Variants in RRP1B observed in about 807,000 individuals in gnomAD.
RRP1B encodes ribosomal RNA processing 1B, also known as ribosomal RNA processing protein 1 homolog B.
Under a neutral mutation model 80.2 loss-of-function variants are expected in RRP1B, and 56 were observed. The ratio of observed to expected loss-of-function variants is 0.70; its 90% CI spans 0.56 to 0.87. The LOEUF (loss-of-function observed/expected upper bound fraction) is 0.87, where lower values mean the gene tolerates loss of function less well. RRP1B is among the 40% of genes least tolerant of loss of function. The pLI is 0.00. For missense variants in RRP1B, 807 were observed against 939.8 expected (o/e 0.86, Z 1.85); for synonymous variants, 351 against 357.6 (o/e 0.98, Z 0.21).
Position 43,695,364 on chromosome 21 carries a change from A to G in RRP1B, c.*1981A>G, listed in dbSNP as rs2083103430. On this transcript the variant is annotated 3_prime_UTR_variant, in exon 16 of 16. Coordinates refer to ENST00000340648, the MANE Select transcript of RRP1B (RefSeq NM_015056.3). ...AGGAATGTTTTTTCCTAGCATTTCT[A>G]TATTATCTGTCCATTCTGAGGAACC... The G allele has an allele frequency of 6.6e-6, 1 of 152,150 alleles. No homozygotes were observed. The allele number at this position is 152,150 out of a possible 1,614,324, so 9.4% of individuals were successfully genotyped here. A position where few individuals can be genotyped will look rare whatever the true frequency, so the allele number is the denominator to read the frequency against.
At position 43,691,631 on chromosome 21, in the gene RRP1B, A is replaced by G; in HGVS notation, c.2083+129A>G. 2.5e-6 allele frequency: 1 copy of G among 398,884 alleles called. No individual in the cohort carries two copies. Among genetic ancestry groups the G allele is most frequent in the East Asian group, 4.5e-5 (1 of 22,148 alleles). 24.7% of individuals were successfully genotyped at this position (398,884 alleles called of 1,614,324 possible). On this transcript the variant is annotated intron_variant, in intron 15 of 15. Coordinates refer to ENST00000340648, the MANE Select transcript of RRP1B (RefSeq NM_015056.3). The surrounding 1 kb of genome is among the most constrained non-coding windows in gnomAD (Gnocchi z 4.2). ...CTAGCTCCTCACTGCCCATTTCTTT[A>G]TTTTTATTTTTTTTTTTTTTTTGAG...
chr21:43,695,500 T>C lies in RRP1B; in HGVS notation c.*2117T>C, dbSNP rs575069605. ...TTGGTCCTTCTCTCATTCTCCGAAC[T>C]TACTCCTTTTTATGGGTAAGTCAAC... On this transcript the variant is annotated 3_prime_UTR_variant, in exon 16 of 16. Coordinates refer to ENST00000340648, the MANE Select transcript of RRP1B (RefSeq NM_015056.3). The C allele has an allele frequency of 6.6e-6, 1 of 152,350 alleles. No homozygotes were observed. Among genetic ancestry groups the C allele is most frequent in the East Asian group, 1.9e-4 (1 of 5,188 alleles). 9.4% of individuals were successfully genotyped at this position (152,350 alleles called of 1,614,324 possible).
chr21:43,683,064 G>T (rs1465584317), intron 8 of RRP1B, among the ~76,000 whole-genome samples: 1 of 151,992 alleles, frequency 6.6e-6, no homozygotes, highest in Non-Finnish European at 1.5e-5. Context: ...GTGGAGACGG[G>T]GTTTCGCCAT....
intron 1 of RRP1B, among the ~76,000 whole-genome samples, chr21:43,666,758 A>G (rs190386776): frequency 6.6e-6 from 1 of 152,110 alleles, no homozygotes; most frequent in East Asian, 1.9e-4. Flanking sequence ...GAAATATCCA[A>G]TCTGTTTAGT....
chr21:43,674,546 C>G, intron 4 of RRP1B, 90 bp from the exon 5 acceptor site: 1 of 909,548 alleles, frequency 1.1e-6, no homozygotes, highest in South Asian at 1.7e-5. Context: ...TTTCATTGGT[C>G]CCTTCATTCT....
intron 9 of RRP1B, 41 bp from the exon 10 acceptor site, chr21:43,684,512 G>A (rs368212563): frequency 3.2e-6 from 5 of 1,560,196 alleles, no homozygotes; most frequent in African/African-American, 1.4e-5. Context: ...AGGCAGTGTT[G>A]TTTGGCTGCA....
chr21:43,683,959 A>C (rs2083052982), intron 9 of RRP1B, among the ~76,000 whole-genome samples: 1 of 125,042 alleles, frequency 8.0e-6, no homozygotes, highest in African/African-American at 3.2e-5. Context: ...AGCCTGGGTG[A>C]CAGACTCTGG....
Position 43,672,271 on chromosome 21 carries a change from A to G in RRP1B, c.214-37A>G, listed in dbSNP as rs199856197. 133 of 1,604,046 alleles carry G rather than the reference A, an allele frequency of 8.3e-5. No homozygotes were observed. In the East Asian group the frequency reaches 2.0e-3, roughly 24 times the overall value. On this transcript the variant is annotated intron_variant, in intron 2 of 15. Transcript: ENST00000340648. ...CACAGGCATCTCATGTTGCCCCACG[A>G]TAACCCCCATGTTTCTCCCCAACCC... is the stretch of plus-strand genomic sequence containing the variant.
chr21:43,692,171 C>T (rs2083089651), intron 15 of RRP1B, among the ~76,000 whole-genome samples: 1 of 152,228 alleles, frequency 6.6e-6, no homozygotes, highest in Admixed American at 6.5e-5. Flanking sequence ...AGTGCTCCAT[C>T]AGCTGTAGCT....
chr21:43,674,724 T>C (rs1438137387), intron 5 of RRP1B, 27 bp downstream of exon 5: 5 of 1,582,812 alleles, frequency 3.2e-6, no homozygotes, highest in Non-Finnish European at 4.3e-6. Context: ...AGTTAGCATG[T>C]GGTAGCCTTA....
chr21:43,693,294 ACCAGCTCACCTG>A lies in RRP1B; in HGVS notation c.2199_2210del (p.Ala734_Pro737del), dbSNP rs774458686. 5.6e-6 allele frequency: 9 copies of A among 1,613,546 alleles called. No individual in the cohort carries two copies. Among genetic ancestry groups the A allele is most frequent in the East Asian group, 2.2e-5 (1 of 44,866 alleles). On this transcript the variant is annotated inframe_deletion, in exon 16 of 16. Coordinates refer to ENST00000340648, the MANE Select transcript of RRP1B (RefSeq NM_015056.3). This position sits in a 1 kb window ranked among gnomAD's most constrained non-coding sequence, Gnocchi z 4.1. ...CCTCCACGGGGTGCTGAAGACCCCC[ACCAGCTCACCTG>A]CCAGCTCACCCCTGGTGGCCAAGAA...
Position 43,687,141 on chromosome 21 carries a change from G to A in RRP1B, c.1141+206G>A, listed in dbSNP as rs372281509. 1.6e-4 allele frequency among the ~76,000 whole-genome samples: 24 copies of A among 152,266 alleles called. No homozygotes were observed. In the East Asian group the frequency reaches 3.7e-3, roughly 23 times the overall value. ...CGCGTCCCCACCTCACCCCGCTCAC[G>A]TCCGCCTGCTCTCCAGGGCACCTCT... On this transcript the variant is annotated intron_variant, in intron 12 of 15. Coordinates refer to ENST00000340648, the MANE Select transcript of RRP1B (RefSeq NM_015056.3).
Position 43,687,897 on chromosome 21 carries a change from A to T in RRP1B, c.1523A>T (p.Gln508Leu). 1 of 1,613,246 alleles carries T rather than the reference A, an allele frequency of 6.2e-7. No individual in the cohort carries two copies. The highest frequency in any genetic ancestry group is 1.1e-5 in the South Asian group (1 of 91,092). ...AGTGGCCCGAGTGGCAGTCATCCTCAGGGACCTAGAGGGTCCCCGACAGGT... is the reference window on the plus strand; with the variant it reads ...AGTGGCCCGAGTGGCAGTCATCCTCTGGGACCTAGAGGGTCCCCGACAGGT... ...SQSGPSGSHP[Q>L]GPRGSPTGGA... Residue 508 changes from glutamine to leucine, a missense_variant, in exon 13 of 16, where the codon CAG (glutamine) becomes CTG (leucine). Transcript: ENST00000340648.
intron 1 of RRP1B, among the ~76,000 whole-genome samples, chr21:43,663,224 A>G (rs982547317): frequency 6.6e-6 from 1 of 152,148 alleles, no homozygotes; most frequent in Non-Finnish European, 1.5e-5. Context: ...CTAATATTTC[A>G]CATGTCTACA....
rs2083069044 is a variant in RRP1B at position 43,687,679 on chromosome 21, G to C, written c.1305G>C (p.Gly435=). The C allele has an allele frequency of 6.2e-7, 1 of 1,603,370 alleles. No individual in the cohort carries two copies. The highest frequency in any genetic ancestry group is 8.5e-7 in the Non-Finnish European group (1 of 1,173,614). ...GGGGCAGGGAGCCCGAGGCCTCTGGGCTGAAAGCCCTGAAGGCACGTGTGG... is the reference window on the plus strand; with the variant it reads ...GGGGCAGGGAGCCCGAGGCCTCTGGCCTGAAAGCCCTGAAGGCACGTGTGG... The part of the protein sequence containing the change: ...QNRGREPEAS[G]LKALKARVAE... The change falls in exon 13 of 16, where the codon GGG becomes GGC. Residue 435 remains glycine, a synonymous_variant. Transcript: ENST00000340648.
intron 8 of RRP1B, 70 bp from the exon 9 acceptor site, chr21:43,683,209 C>A: frequency 1.6e-6 from 2 of 1,262,640 alleles, no homozygotes; most frequent in East Asian, 2.4e-5. Context: ...TAGACAGTGG[C>A]TCCTGTGGAA....
chr21:43,675,819 T>A (rs1263897129), intron 6 of RRP1B, among the ~76,000 whole-genome samples: 1 of 151,912 alleles, frequency 6.6e-6, no homozygotes, highest in Non-Finnish European at 1.5e-5. Context: ...TTATAAACTT[T>A]CTTAAAATAT....
At chr21:43,674,220 G>A (rs1021201458) in intron 4 of RRP1B, among the ~76,000 whole-genome samples, 4 of 152,182 alleles carry the variant, frequency 2.6e-5, no homozygotes, top group Non-Finnish European at 2.9e-5. Flanking sequence ...GCAGTGGTGC[G>A]ATCTCAGCTC....
chr21:43,661,109 C>G (rs888561235), intron 1 of RRP1B, among the ~76,000 whole-genome samples: 1 of 152,136 alleles, frequency 6.6e-6, no homozygotes, highest in African/African-American at 2.4e-5. Context: ...AATACACTTT[C>G]CTGGGAAGTC....
Sources: gnomAD v4.1 joint callset for allele counts (sites outside exome capture counted in the v4.1 genomes callset) on GRCh38, gnomAD v4.1.1 for gene constraint, Gnocchi (gnomAD v3.1) non-coding constraint, MANE v1.5 for transcripts, NCBI Gene and HGNC (gene_info 2026-07-23, HGNC 2026-07-21) for gene names.